The following MROH1 variants were observed in gnomAD, a reference collection of about 807,000 sequenced individuals.
MROH1 encodes maestro heat-like repeat-containing protein family member 1.
MROH1 carries 117 observed loss-of-function variants against 116.5 expected under a neutral mutation model. That is an observed-to-expected ratio of 1.00 (90% CI 0.86 to 1.17). MROH1 has a LOEUF of 1.17. MROH1 is among the 50% of genes most tolerant of loss of function. The pLI is 0.00. For missense variants in MROH1, 1,873 were observed against 1,338.5 expected, an observed-to-expected ratio of 1.40 and a Z score of -6.23; for synonymous variants, 921 against 583.9, an observed-to-expected ratio of 1.58 and a Z score of -8.32.
intron 14 of MROH1, among the ~76,000 whole-genome samples, chr8:144,224,145 A>G (rs1325581137): frequency 6.6e-6 from 1 of 152,198 alleles, no homozygotes; most frequent in Non-Finnish European, 1.5e-5. Context: ...TTCAGTTCCC[A>G]AGAGTTTGGG....
chr8:144,207,139 C>T (rs1031703891), intron 12 of MROH1, among the ~76,000 whole-genome samples: 1 of 150,674 alleles, frequency 6.6e-6, no homozygotes, highest in Admixed American at 6.6e-5. Flanking sequence ...GATATATTTG[C>T]GTATATATGT....
chr8:144,202,863 A>G (rs1356126610), intron 12 of MROH1, among the ~76,000 whole-genome samples: 4 of 5,898 alleles, frequency 6.8e-4, no homozygotes, highest in African/African-American at 9.9e-4. Context: ...CGGGGGGGGG[A>G]GCGCCCAATG....
At chr8:144,200,171 G>A (rs1013197391) in intron 11 of MROH1, among the ~76,000 whole-genome samples, 2 of 152,238 alleles carry the variant, frequency 1.3e-5, no homozygotes, top group Middle Eastern at 3.4e-3. Flanking sequence ...AACAAGCACC[G>A]GTGTGCTGGG....
In MROH1 at chr8:144,169,038, C is replaced by T. The variant is rs149683268; in HGVS notation, c.168+598C>T. On this transcript the variant is annotated intron_variant, in intron 4 of 43. Transcript: ENST00000326134. ...TCCGAACCCTAGGACAGACGTGGCCCGGCTGGCTCTCACCTCCCAGGATTT... is the reference window on the plus strand; with the variant it reads ...TCCGAACCCTAGGACAGACGTGGCCTGGCTGGCTCTCACCTCCCAGGATTT... 2.4e-3 allele frequency among the ~76,000 whole-genome samples: 367 copies of T among 152,366 alleles called. 2 individuals are homozygous for T. Among genetic ancestry groups the T allele is most frequent in the Middle Eastern group, 0.014 (4 of 294 alleles).
chr8:144,232,576 C>T (rs1554823216), intron 14 of MROH1, among the ~76,000 whole-genome samples: 2 of 151,830 alleles, frequency 1.3e-5, no homozygotes, highest in African/African-American at 4.8e-5. Flanking sequence ...TCACGGCAAC[C>T]TCCGCCTCCC....
Position 144,249,534 on chromosome 8 carries a change from C to T in MROH1, c.3273+505C>T, listed in dbSNP as rs1027664008. Among the ~76,000 whole-genome samples the T allele has an allele frequency of 2.0e-5, 3 of 152,268 alleles. No homozygotes were observed. In the East Asian group the frequency reaches 5.8e-4, roughly 29 times the overall value. Reference sequence around the variant, plus strand: ...CTCCCAGGCCAATACCCATCATGAGCAGGGAGCCCCCTCGTGACAAGGCCG... The same window carrying T: ...CTCCCAGGCCAATACCCATCATGAGTAGGGAGCCCCCTCGTGACAAGGCCG... On this transcript the variant is annotated intron_variant, in intron 32 of 43. Coordinates refer to ENST00000326134, the MANE Select transcript of MROH1 (RefSeq NM_032450.3).
chr8:144,220,482 A>G (rs1836472474), intron 12 of MROH1, 118 bp from the exon 13 acceptor site: 1 of 763,232 alleles, frequency 1.3e-6, no homozygotes, highest in Non-Finnish European at 2.1e-6. Context: ...TGCTTTCCTT[A>G]TGCTCCCTCT....
intron 13 of MROH1, among the ~76,000 whole-genome samples, chr8:144,222,469 G>A (rs1231543129): frequency 6.6e-6 from 1 of 152,206 alleles, no homozygotes; most frequent in Admixed American, 6.5e-5. Context: ...ACACAGCTTA[G>A]GGACAGAGAA....
intron 4 of MROH1, among the ~76,000 whole-genome samples, chr8:144,177,353 C>T (rs1824263588): frequency 6.6e-6 from 1 of 152,216 alleles, no homozygotes; most frequent in African/African-American, 2.4e-5. Flanking sequence ...ATGCCAGGGC[C>T]AAGTGCGTGT....
chr8:144,245,834 T>C (rs1338150731), intron 29 of MROH1, among the ~76,000 whole-genome samples: 1 of 151,362 alleles, frequency 6.6e-6, no homozygotes, highest in Non-Finnish European at 1.5e-5. Flanking sequence ...TGATTTTCTT[T>C]TATTTTTTGT....
rs1844510389 is a variant in MROH1 at position 144,259,263 on chromosome 8, C to T, written c.3953C>T (p.Pro1318Leu). ...LARAMAEHAG[P>L]RLPLVLKTLA... ...AGGGCCATGGCTGAGCACGCAGGGC[C>T]CCGACTCCCCCTGGTGCTGAAGACG... Residue 1318 changes from proline to leucine, a missense_variant, in exon 37 of 44, where the codon CCC becomes CTC. Pro to Leu is a moderately conservative substitution (Grantham distance 98). Coordinates refer to ENST00000326134, the MANE Select transcript of MROH1 (RefSeq NM_032450.3). 2 of 714,568 alleles carry T rather than the reference C, an allele frequency of 2.8e-6. No individual in the cohort carries two copies. The highest frequency in any genetic ancestry group is 5.2e-6 in the Non-Finnish European group (2 of 384,878). The allele number at this position is 714,568 out of a possible 1,614,324, so 44.3% of individuals were successfully genotyped here. A position where few individuals can be genotyped will look rare whatever the true frequency, so the allele number is the denominator to read the frequency against.
chr8:144,173,496 G>A (rs1292455046), intron 4 of MROH1, among the ~76,000 whole-genome samples: 2 of 151,440 alleles, frequency 1.3e-5, no homozygotes, highest in East Asian at 3.9e-4. Flanking sequence ...GCGCAAACCG[G>A]CTCGCTGCAA....
At chr8:144,245,730 G>T (rs1181573323) in intron 29 of MROH1, among the ~76,000 whole-genome samples, 1 of 152,178 alleles carries the variant, frequency 6.6e-6, no homozygotes, top group Non-Finnish European at 1.5e-5. Context: ...TGCAAACACA[G>T]CTCACTGCAG....
intron 3 of MROH1, among the ~76,000 whole-genome samples, chr8:144,166,615 G>T (rs1457543573): frequency 6.6e-6 from 1 of 152,068 alleles, no homozygotes; most frequent in Non-Finnish European, 1.5e-5. Context: ...GCCATGTCTT[G>T]AGCTTGAGGG....
In MROH1 at chr8:144,260,344, G is replaced by A; in HGVS notation, c.4350G>A (p.Val1450=). 1.4e-6 allele frequency: 1 copy of A among 733,544 alleles called. No homozygotes were observed. The highest frequency in any genetic ancestry group is 1.4e-5 in the South Asian group (1 of 69,836). 45.4% of individuals were successfully genotyped at this position (733,544 alleles called of 1,614,324 possible). ...SWDLRSGLLH[V]AIRIRPFFDS... ...ACCTGCGCTCAGGGCTGCTGCACGT[G>A]GCCATCCGCATCCGGCCTTTCTTCG... is the stretch of plus-strand genomic sequence containing the variant. Residue 1450 remains valine, a synonymous_variant, in exon 39 of 44, where the codon GTG becomes GTA. Transcript: ENST00000326134.
chr8:144,247,540 C>T (rs985065894), intron 30 of MROH1, 27 bp from the exon 31 acceptor site: 83 of 764,776 alleles, frequency 1.1e-4, no homozygotes, highest in Admixed American at 9.0e-4. Flanking sequence ...GGCCTGGGCC[C>T]GACTGCTCAT....
rs1442598620 is a variant in MROH1 at position 144,261,744 on chromosome 8, T to G, written c.*4T>G. 3 of 709,672 alleles carry G rather than the reference T, an allele frequency of 4.2e-6. No individual in the cohort carries two copies. Among genetic ancestry groups the G allele is most frequent in the Non-Finnish European group, 7.7e-6 (3 of 389,598 alleles). 44.0% of individuals were successfully genotyped at this position (709,672 alleles called of 1,614,324 possible). A position where few individuals can be genotyped will look rare whatever the true frequency, so the allele number is the denominator to read the frequency against. On this transcript the variant is annotated 3_prime_UTR_variant, in exon 44 of 44. Transcript: ENST00000326134. The stretch of plus-strand genomic sequence containing the variant: ...CCGCCTGGTGAAGCTCGCCTAAGGC[T>G]CCGGCCAGCACCCCCAGCGAGGAGT...
intron 37 of MROH1, among the ~76,000 whole-genome samples, 175 bp from the exon 38 acceptor site, chr8:144,259,736 G>A (rs1240295874): frequency 6.6e-6 from 1 of 152,364 alleles, no homozygotes; most frequent in African/African-American, 2.4e-5. Context: ...CGTCAGAGCA[G>A]GCCCCAGCGG....
intron 1 of MROH1, among the ~76,000 whole-genome samples, chr8:144,157,362 G>C (rs1257261686): frequency 6.6e-6 from 1 of 152,044 alleles, no homozygotes; most frequent in Non-Finnish European, 1.5e-5. Flanking sequence ...GATTACAGGC[G>C]TGAGTCTGTA....
Sources: allele counts gnomAD v4.1 joint callset (sites outside exome capture counted in the v4.1 genomes callset), GRCh38; gene constraint gnomAD v4.1.1; transcripts MANE v1.5; gene names NCBI Gene and HGNC (gene_info 2026-07-23, HGNC 2026-07-21).